Variants in MAP4K1 observed in about 807,000 individuals in gnomAD.
MAP4K1 encodes mitogen-activated protein kinase kinase kinase kinase 1.
A neutral mutation model predicts 122.8 loss-of-function variants in MAP4K1; 35 were observed. That is an observed-to-expected ratio of 0.29 (90% confidence interval 0.22 to 0.38). The LOEUF is 0.38. MAP4K1 is among the 10% of genes least tolerant of loss of function. The pLI, the probability that MAP4K1 is intolerant of heterozygous loss-of-function variation, is 1.00. For missense variants in MAP4K1, 791 were observed against 1,072.6 expected (o/e 0.74, Z 3.67); for synonymous variants, 412 against 421.3 (o/e 0.98, Z 0.27).
chr19:38,616,410 AG>A (rs1448877418), intron 3 of MAP4K1, 151 bp from the exon 4 acceptor site: 1 of 563,092 alleles, frequency 1.8e-6, no homozygotes, highest in Non-Finnish European at 3.1e-6. Flanking sequence ...TACCAGAGTG[AG>A]GTTGTTTCAT....
At chr19:38,610,314 T>G (rs893051184) in intron 11 of MAP4K1, among the ~76,000 whole-genome samples, 3 of 150,682 alleles carry the variant, frequency 2.0e-5, no homozygotes, top group Non-Finnish European at 4.4e-5. Flanking sequence ...TAATTGATTC[T>G]CGTGCCTCAG....
rs781074601 is a variant in MAP4K1 at position 38,597,387 on chromosome 19, G to A, written c.1779-3C>T. ...TCTTGGTGGAAACCATGTTCTTCCT[G>A]GAGAATAGGTAGGTGTGAAGGGGGG... is the stretch of plus-strand genomic sequence containing the variant. On this transcript the variant is annotated splice_region_variant and splice_polypyrimidine_tract_variant and intron_variant, in intron 23 of 30. Coordinates refer to ENST00000396857, the MANE Select transcript of MAP4K1 (RefSeq NM_001042600.3). This position sits in a 1 kb window ranked among gnomAD's most constrained non-coding sequence, Gnocchi z 4.6. The A allele has an allele frequency of 6.2e-7, 1 of 1,613,916 alleles. No individual in the cohort carries two copies. Among genetic ancestry groups the A allele is most frequent in the Non-Finnish European group, 8.5e-7 (1 of 1,180,028 alleles).
intron 30 of MAP4K1, among the ~76,000 whole-genome samples, chr19:38,592,915 C>CTTAATAAATAAATAAATAAA (rs553588599): frequency 1.8e-4 from 26 of 146,932 alleles, no homozygotes; most frequent in African/African-American, 7.0e-4. Flanking sequence ...AAAACTCCAT[C>CTTAATAAATAAATAAATAAA]TCAATAAATA....
intron 4 of MAP4K1, among the ~76,000 whole-genome samples, chr19:38,615,953 C>T (rs1186994282): frequency 6.7e-6 from 1 of 149,058 alleles, no homozygotes; most frequent in Non-Finnish European, 1.5e-5. Flanking sequence ...GCCACCACAC[C>T]AGGCCCAGCA....
intron 25 of MAP4K1, 28 bp from the exon 26 acceptor site, chr19:38,596,514 T>G (rs1568624465): frequency 1.3e-6 from 2 of 1,501,448 alleles, no homozygotes; most frequent in Non-Finnish European, 1.8e-6. Flanking sequence ...AGGGGCGGGC[T>G]AGGGGGTGGT....
At chr19:38,607,578 A>AAAG (rs1322088014) in intron 16 of MAP4K1, among the ~76,000 whole-genome samples, 5 of 150,668 alleles carry the variant, frequency 3.3e-5, no homozygotes, top group East Asian at 1.9e-4. Flanking sequence ...AAAAAAAAAA[A>AAAG]AAGAAGAAGG....
intron 19 of MAP4K1, among the ~76,000 whole-genome samples, chr19:38,604,418 G>A (rs1384335018): frequency 6.6e-6 from 1 of 152,048 alleles, no homozygotes; most frequent in East Asian, 1.9e-4. Context: ...TCTAACTTCT[G>A]GACTCAAGCA....
chr19:38,606,762 C>T (rs1389835153), intron 16 of MAP4K1, among the ~76,000 whole-genome samples: 1 of 152,234 alleles, frequency 6.6e-6, no homozygotes, highest in African/African-American at 2.4e-5. Flanking sequence ...AGGTGGAGTG[C>T]TGACAGTGCA....
rs1568636894 is a variant in MAP4K1, at chr19:38,608,050, G to T, written c.1066-17C>A. 3.8e-6 allele frequency: 6 copies of T among 1,587,268 alleles called. No individual in the cohort carries two copies. Among genetic ancestry groups the T allele is most frequent in the South Asian group, 3.4e-5 (3 of 87,710 alleles). Reference sequence around the variant, plus strand: ...TAGGCGAGCCTGTGGGGTAGGAAAAGGGTCAGCAGTGGCCTCAGGGAAGCA... The same window carrying T: ...TAGGCGAGCCTGTGGGGTAGGAAAATGGTCAGCAGTGGCCTCAGGGAAGCA... On this transcript the variant is annotated splice_polypyrimidine_tract_variant and intron_variant, in intron 14 of 30. Transcript: ENST00000396857.
intron 29 of MAP4K1, among the ~76,000 whole-genome samples, chr19:38,593,775 T>G (rs1974794850): frequency 6.6e-6 from 1 of 151,980 alleles, no homozygotes; most frequent in Non-Finnish European, 1.5e-5. Flanking sequence ...CAGCTACTTG[T>G]GAGGGTGAGG....
At chr19:38,596,892 C>T in intron 25 of MAP4K1, 142 bp downstream of exon 25, 2 of 764,604 alleles carry the variant, frequency 2.6e-6, no homozygotes, top group African/African-American at 1.8e-5. Context: ...AAGCGCAGAC[C>T]GCAGGTGGGC....
chr19:38,609,659 G>A lies in MAP4K1; in HGVS notation c.943C>T (p.Pro315Ser), dbSNP rs779995447. The A allele has an allele frequency of 6.2e-7, 1 of 1,613,008 alleles. No individual in the cohort carries two copies. Among genetic ancestry groups the A allele is most frequent in the Non-Finnish European group, 8.5e-7 (1 of 1,179,636 alleles). ...CGGTGGGTGGATCTGATCCGCCGAG[G>A]GATAGCAGGGGGTAGCTGGGCAGAG... ...DEEPELPPAIPRRIRSTHRSS... is the reference protein window; with the variant it reads ...DEEPELPPAISRRIRSTHRSS... The change falls in exon 13 of 31, where the codon CCT becomes TCT. Residue 315 changes from proline to serine, a missense_variant. Transcript: ENST00000396857.
chr19:38,603,285 TAC>T (rs200991919), intron 19 of MAP4K1, among the ~76,000 whole-genome samples: 12,386 of 149,076 alleles, frequency 0.083, 1,439 homozygotes, highest in African/African-American at 0.26. Context: ...CACATACATA[TAC>T]ACACACACAT....
At chr19:38,603,544 A>G (rs1426001461) in intron 19 of MAP4K1, among the ~76,000 whole-genome samples, 1 of 152,062 alleles carries the variant, frequency 6.6e-6, no homozygotes, top group Non-Finnish European at 1.5e-5. Context: ...TAAATTATAC[A>G]TACTTTTAGC....
chr19:38,608,814 A>AAC (rs1199484241), intron 13 of MAP4K1, among the ~76,000 whole-genome samples: 2 of 148,278 alleles, frequency 1.3e-5, no homozygotes, highest in Non-Finnish European at 3.0e-5. Context: ...AAAAAAAAAA[A>AAC]AAAAAAAAAA....
intron 30 of MAP4K1, among the ~76,000 whole-genome samples, chr19:38,591,698 C>T (rs1236150013): frequency 2.0e-5 from 3 of 151,682 alleles, no homozygotes; most frequent in Non-Finnish European, 4.4e-5. Flanking sequence ...GGGCTGGGCA[C>T]GGTGGCTCAT....
At chr19:38,615,861 G>A (rs1260008756) in intron 4 of MAP4K1, among the ~76,000 whole-genome samples, 2 of 151,298 alleles carry the variant, frequency 1.3e-5, no homozygotes, top group Non-Finnish European at 1.5e-5. Flanking sequence ...GTTTCACCAT[G>A]TTGGCCAAGC....
intron 30 of MAP4K1, among the ~76,000 whole-genome samples, chr19:38,589,706 C>T (rs1420604776): frequency 2.6e-5 from 4 of 152,094 alleles, no homozygotes; most frequent in Admixed American, 6.5e-5. Flanking sequence ...TGAGCCACCG[C>T]GCCCGACCGG....
chr19:38,605,797 A>C, intron 17 of MAP4K1, 67 bp from the exon 18 acceptor site: 1 of 1,474,734 alleles, frequency 6.8e-7, no homozygotes, highest in Non-Finnish European at 9.1e-7. Context: ...CCCTTTTGCA[A>C]CTCAAGTCCC....
Sources: gnomAD v4.1 joint callset for allele counts (sites outside exome capture counted in the v4.1 genomes callset) on GRCh38, gnomAD v4.1.1 for gene constraint, Gnocchi (gnomAD v3.1) non-coding constraint, MANE v1.5 for transcripts, NCBI Gene and HGNC (gene_info 2026-07-23, HGNC 2026-07-21) for gene names.